Variants in CDH13 observed in about 807,000 individuals in gnomAD.
The protein encoded by CDH13 is cadherin 13.
In CDH13, 24 loss-of-function variants were observed where a neutral mutation model predicts 63.8. That is an observed-to-expected ratio of 0.38 (90% confidence interval 0.27 to 0.53). CDH13 has a LOEUF of 0.53. Ranked by LOEUF, CDH13 falls within the 20% of genes least tolerant of loss-of-function variation. The pLI is 0.85. For missense variants in CDH13, 1,049 were observed against 903.1 expected (o/e 1.16, Z -2.07); for synonymous variants, 503 against 355.3 (o/e 1.42, Z -4.67).
chr16:82,993,319 G>A (rs1390092750), intron 2 of CDH13, among the ~76,000 whole-genome samples: 1 of 152,034 alleles, frequency 6.6e-6, no homozygotes, highest in Non-Finnish European at 1.5e-5. Context: ...TGATTTCAGA[G>A]AACGTTCTAC....
chr16:83,173,544 C>T (rs1259024999), intron 4 of CDH13, among the ~76,000 whole-genome samples: 1 of 152,044 alleles, frequency 6.6e-6, no homozygotes, highest in Admixed American at 6.6e-5. Context: ...TTCAGATAAA[C>T]AATGACTAGT....
intron 4 of CDH13, among the ~76,000 whole-genome samples, chr16:83,153,840 A>G (rs2037092850): frequency 1.3e-5 from 2 of 152,210 alleles, no homozygotes; most frequent in South Asian, 4.1e-4. Context: ...TGGTAGGCCT[A>G]GGAAACTAAT....
At chr16:83,426,486 G>A (rs2071898760) in intron 6 of CDH13, among the ~76,000 whole-genome samples, 1 of 147,380 alleles carries the variant, frequency 6.8e-6, no homozygotes, top group Non-Finnish European at 1.5e-5. Context: ...TCTCTCTCAT[G>A]GAAACAACTC....
At chr16:83,086,967 C>G (rs951672817) in intron 3 of CDH13, among the ~76,000 whole-genome samples, 11 of 152,068 alleles carry the variant, frequency 7.2e-5, no homozygotes, top group African/African-American at 2.2e-4. Context: ...GAAATCAATG[C>G]AAATATAAAA....
chr16:82,715,719 G>A (rs572543591), intron 1 of CDH13, among the ~76,000 whole-genome samples: 4 of 152,172 alleles, frequency 2.6e-5, no homozygotes, highest in Admixed American at 1.3e-4. Flanking sequence ...CTCCAGTGCA[G>A]GAAAGATCAG....
rs568658152 is a variant in CDH13, at chr16:83,744,586, A to C, written c.1539-3522A>C. Among the ~76,000 whole-genome samples, 12 of 152,282 alleles carry C rather than the reference A, an allele frequency of 7.9e-5. No homozygotes were observed. The South Asian group carries it at 2.5e-3, about 32-fold the overall frequency. On this transcript the variant is annotated intron_variant, in intron 10 of 13. Transcript: ENST00000567109. Reference sequence around the variant, plus strand: ...GTTCCCCTAGGCTCTGCTGAGTCGGATGTTTCTGAAACATTCCAGGGGACC... The same window carrying C: ...GTTCCCCTAGGCTCTGCTGAGTCGGCTGTTTCTGAAACATTCCAGGGGACC...
intron 5 of CDH13, among the ~76,000 whole-genome samples, chr16:83,286,193 T>C (rs1362183307): frequency 2.6e-5 from 4 of 152,162 alleles, no homozygotes; most frequent in Non-Finnish European, 5.9e-5. Context: ...GAGTTTCGCC[T>C]CTAGGACCTG....
chr16:83,435,404 C>A (rs755120749), intron 6 of CDH13, among the ~76,000 whole-genome samples: 3 of 152,078 alleles, frequency 2.0e-5, no homozygotes, highest in Non-Finnish European at 4.4e-5. Flanking sequence ...ACACTGCAAT[C>A]GTGTCATCCC....
At chr16:82,902,202 G>A (rs1032211492) in intron 2 of CDH13, among the ~76,000 whole-genome samples, 10 of 151,988 alleles carry the variant, frequency 6.6e-5, no homozygotes, top group African/African-American at 2.2e-4. Flanking sequence ...CATGATATGC[G>A]TAAATGTGCC....
intron 1 of CDH13, among the ~76,000 whole-genome samples, chr16:82,770,995 G>A (rs1168407561): frequency 1.3e-5 from 2 of 152,162 alleles, no homozygotes; most frequent in East Asian, 1.9e-4. Context: ...GATTACAGCC[G>A]TGAGCCAACA....
At position 83,213,831 on chromosome 16, in the gene CDH13, C is replaced by G. The variant is rs934557710; in HGVS notation, c.484-3514C>G. On this transcript the variant is annotated intron_variant, in intron 4 of 13. Coordinates refer to ENST00000567109, the MANE Select transcript of CDH13 (RefSeq NM_001257.5). ...GAGGATGGTAAAATGCACCAATCAG[C>G]ACTCTGTAGCTAGGATTGTAAAATG... 2.0e-5 allele frequency among the ~76,000 whole-genome samples: 3 copies of G among 152,186 alleles called. No individual in the cohort carries two copies. The South Asian group carries it at 6.2e-4, about 32-fold the overall frequency.
At chr16:83,368,764 T>A (rs1047565298) in intron 6 of CDH13, among the ~76,000 whole-genome samples, 1 of 151,252 alleles carries the variant, frequency 6.6e-6, no homozygotes, top group African/African-American at 2.4e-5. Flanking sequence ...TGAGAATATA[T>A]GACATTCGAT....
intron 2 of CDH13, among the ~76,000 whole-genome samples, chr16:83,008,515 A>T (rs1258807310): frequency 6.6e-6 from 1 of 152,232 alleles, no homozygotes; most frequent in East Asian, 1.9e-4. Flanking sequence ...TGCGTACAAC[A>T]AAGTATGTTA....
In CDH13 at chr16:82,968,343, T is replaced by C. The variant is rs559577440; in HGVS notation, c.158-63667T>C. On this transcript the variant is annotated intron_variant, in intron 2 of 13. Transcript: ENST00000567109. ...AATCCTTTATCTAGAAAATGTGTAA[T>C]TTTCCAAGAAGGCCTCAGACCTAGT... Among the ~76,000 whole-genome samples the C allele has an allele frequency of 3.2e-4, 48 of 152,324 alleles. 1 individual carries two copies. Among genetic ancestry groups the C allele is most frequent in the Middle Eastern group, 3.4e-3 (1 of 294 alleles).
In CDH13 at chr16:83,384,525, G is replaced by A. The variant is rs61160831; in HGVS notation, c.781+39519G>A. Among the ~76,000 whole-genome samples, 1,237 of 152,340 alleles carry A rather than the reference G, an allele frequency of 8.1e-3. 16 individuals carry two copies. Among genetic ancestry groups the A allele is most frequent in the African/African-American group, 0.029 (1,194 of 41,572 alleles). On this transcript the variant is annotated intron_variant, in intron 6 of 13. Coordinates refer to ENST00000567109, the MANE Select transcript of CDH13 (RefSeq NM_001257.5). Reference sequence around the variant, plus strand: ...GAATCAACACCTTGAGCTGCCCCAAGGGCATAGAAGCATCAGCAAGGTTAA... The same window carrying A: ...GAATCAACACCTTGAGCTGCCCCAAAGGCATAGAAGCATCAGCAAGGTTAA...
chr16:83,014,743 A>ATAT (rs1555562539), intron 2 of CDH13, among the ~76,000 whole-genome samples: 12 of 33,224 alleles, frequency 3.6e-4, no homozygotes, highest in East Asian at 8.0e-4. Flanking sequence ...AAAAAAAAAA[A>ATAT]ATATATATAT....
intron 1 of CDH13, among the ~76,000 whole-genome samples, chr16:82,705,631 C>G (rs1265743577): frequency 6.6e-6 from 1 of 151,966 alleles, no homozygotes; most frequent in Non-Finnish European, 1.5e-5. Flanking sequence ...CACATTTCAC[C>G]ACACACGCCT....
intron 5 of CDH13, among the ~76,000 whole-genome samples, chr16:83,340,690 G>A (rs956151599): frequency 6.6e-6 from 1 of 152,162 alleles, no homozygotes; most frequent in Non-Finnish European, 1.5e-5. Context: ...TGCCAATGCT[G>A]CTGGCTTGGA....
rs1027610208 is a variant in CDH13, at chr16:83,028,787, C to A, written c.158-3223C>A. On this transcript the variant is annotated intron_variant, in intron 2 of 13. Coordinates refer to ENST00000567109, the MANE Select transcript of CDH13 (RefSeq NM_001257.5). ...GAATTTCCCATTTAATATTTTCAGACCTGTGTTGACCATGGGTATCTGGAA... is the reference window on the plus strand; with the variant it reads ...GAATTTCCCATTTAATATTTTCAGAACTGTGTTGACCATGGGTATCTGGAA... Among the ~76,000 whole-genome samples, 5 of 152,200 alleles carry A rather than the reference C, an allele frequency of 3.3e-5. No individual in the cohort carries two copies. In the South Asian group the frequency reaches 8.3e-4, roughly 25 times the overall value.
Sources: allele counts gnomAD v4.1 joint callset (sites outside exome capture counted in the v4.1 genomes callset), GRCh38; gene constraint gnomAD v4.1.1; transcripts MANE v1.5; gene names NCBI Gene and HGNC (gene_info 2026-07-23, HGNC 2026-07-21).